The following CPT1A variants were observed in gnomAD, a reference collection of about 807,000 sequenced individuals.
The protein encoded by CPT1A is carnitine O-palmitoyltransferase 1, liver isoform.
In CPT1A, 64 loss-of-function variants were observed where a neutral mutation model predicts 100.8. The observed-to-expected ratio is 0.63, with a 90% CI of 0.52 to 0.78. The LOEUF (loss-of-function observed/expected upper bound fraction) is 0.78. Ranked by LOEUF, CPT1A falls within the 30% of genes least tolerant of loss-of-function variation. CPT1A has a pLI of 0.00. For synonymous variants in CPT1A, 363 were observed against 396.0 expected (o/e 0.92, Z 0.99); for missense variants, 802 against 1,034.1 (o/e 0.78, Z 3.08).
chr11:68,782,201 G>C lies in CPT1A; in HGVS notation c.1164-242C>G, dbSNP rs1384235852. On this transcript the variant is annotated intron_variant, in intron 10 of 18. Transcript: ENST00000265641. ...TCAATAAATGCTGACTAAATGAACG[G>C]CCAGATTGCAGGCTGGCCCCGTGGG... Among the ~76,000 whole-genome samples, 4 of 152,154 alleles carry C rather than the reference G, an allele frequency of 2.6e-5. No individual in the cohort carries two copies. The East Asian group carries it at 7.7e-4, about 29-fold the overall frequency.
At chr11:68,826,091 C>T (rs566351467) in intron 1 of CPT1A, among the ~76,000 whole-genome samples, 2 of 152,290 alleles carry the variant, frequency 1.3e-5, no homozygotes, top group East Asian at 3.9e-4. Context: ...GAGTAGAGGG[C>T]CCCAGACCAG....
chr11:68,777,564 C>T (rs1855173438), intron 12 of CPT1A, among the ~76,000 whole-genome samples: 1 of 152,224 alleles, frequency 6.6e-6, no homozygotes, highest in Non-Finnish European at 1.5e-5. Flanking sequence ...ATCACATAAG[C>T]CCCCAGCCAG....
chr11:68,806,930 CA>C lies in CPT1A; in HGVS notation c.453+536del, dbSNP rs376809841. On this transcript the variant is annotated intron_variant, in intron 4 of 18. Coordinates refer to ENST00000265641, the MANE Select transcript of CPT1A (RefSeq NM_001876.4). Reference sequence around the variant, plus strand: ...GGGCAACAAGAGTGAAACTCCATCTCAAAAAAAACTAAAATGAAAAAATATA... The same window carrying C: ...GGGCAACAAGAGTGAAACTCCATCTCAAAAAAACTAAAATGAAAAAATATA... Among the ~76,000 whole-genome samples the C allele has an allele frequency of 4.3e-3, 642 of 150,876 alleles. 4 individuals are homozygous for C. The Middle Eastern group carries it at 0.071, about 17-fold the overall frequency.
chr11:68,834,931 G>A (rs993822960), intron 1 of CPT1A, among the ~76,000 whole-genome samples: 4 of 151,104 alleles, frequency 2.6e-5, no homozygotes, highest in Non-Finnish European at 5.9e-5. Context: ...CTGGGGAGGC[G>A]GAGGTTGCAG....
intron 5 of CPT1A, among the ~76,000 whole-genome samples, chr11:68,803,365 G>A (rs532674091): frequency 3.3e-5 from 5 of 152,266 alleles, no homozygotes; most frequent in African/African-American, 1.2e-4. Flanking sequence ...AGGGAAGAAT[G>A]GGGAATGACT....
Position 68,793,349 on chromosome 11 carries a change from C to T in CPT1A, c.933G>A (p.Met311Ile), listed in dbSNP as rs774039312. 2 of 1,612,178 alleles carry T rather than the reference C, an allele frequency of 1.2e-6. No homozygotes were observed. The highest frequency in any genetic ancestry group is 1.7e-6 in the Non-Finnish European group (2 of 1,179,310). The change falls in exon 9 of 19, where the codon ATG (methionine) becomes ATA (isoleucine). Residue 311 changes from methionine to isoleucine, a missense_variant. Coordinates refer to ENST00000265641, the MANE Select transcript of CPT1A (RefSeq NM_001876.4). ...IPLCSAQWER[M>I]FNTSRIPGEE... Reference sequence around the variant, plus strand: ...CTCCTGGGATCCGGGAAGTATTAAACATCCGCTCCCACTGAGCGGAGCAGA... The same window carrying T: ...CTCCTGGGATCCGGGAAGTATTAAATATCCGCTCCCACTGAGCGGAGCAGA...
At chr11:68,814,393 G>C (rs946366243) in intron 2 of CPT1A, among the ~76,000 whole-genome samples, 1 of 151,982 alleles carries the variant, frequency 6.6e-6, no homozygotes, top group South Asian at 2.1e-4. Flanking sequence ...TGCAAGCTCC[G>C]CCTCCCGGGT....
intron 12 of CPT1A, among the ~76,000 whole-genome samples, chr11:68,779,053 G>A (rs1312394117): frequency 6.6e-6 from 1 of 152,070 alleles, no homozygotes; most frequent in Non-Finnish European, 1.5e-5. Flanking sequence ...CAAAGGGCTG[G>A]GATTACAGGC....
At chr11:68,842,936 C>A (rs1477230654), upstream of CPT1A, among the ~76,000 whole-genome samples, 1 of 152,198 alleles carries the variant, frequency 6.6e-6, no homozygotes, top group Non-Finnish European at 1.5e-5. Flanking sequence ...AGCAGGTGCT[C>A]CATAAATGCA....
chr11:68,772,521 C>A (rs1335039449), intron 14 of CPT1A, among the ~76,000 whole-genome samples: 1 of 151,792 alleles, frequency 6.6e-6, no homozygotes, highest in Non-Finnish European at 1.5e-5. Context: ...TTGCCAGGTG[C>A]AAGCCAAAAT....
chr11:68,830,089 C>T (rs1039329468), intron 1 of CPT1A, among the ~76,000 whole-genome samples: 3 of 152,066 alleles, frequency 2.0e-5, no homozygotes, highest in Non-Finnish European at 4.4e-5. Context: ...CCAGCCTGGC[C>T]AACGTGGCAA....
At chr11:68,844,042 T>C (rs913000574), upstream of CPT1A, 1 of 152,328 alleles carries the variant, frequency 6.6e-6, no homozygotes, top group Admixed American at 6.5e-5. Flanking sequence ...TCTTCGGCCT[T>C]GACCGTGCGC....
intron 1 of CPT1A, among the ~76,000 whole-genome samples, chr11:68,817,817 G>A (rs1856474710): frequency 2.7e-5 from 4 of 150,534 alleles, no homozygotes; most frequent in Admixed American, 6.6e-5. Flanking sequence ...GCAGGGTGTC[G>A]GGTCAAAAGC....
At chr11:68,761,799 C>T (rs540614359) in intron 15 of CPT1A, 112 bp from the exon 16 acceptor site, 36 of 1,313,830 alleles carry the variant, frequency 2.7e-5, no homozygotes, top group Admixed American at 1.0e-4. Context: ...TTAGTAGAGA[C>T]GGGGTTTCAA....
chr11:68,801,271 C>T (rs1452661487), intron 5 of CPT1A, among the ~76,000 whole-genome samples: 1 of 152,100 alleles, frequency 6.6e-6, no homozygotes, highest in Non-Finnish European at 1.5e-5. Context: ...TCTTGCTCAC[C>T]CCATCCTGCC....
intron 13 of CPT1A, among the ~76,000 whole-genome samples, chr11:68,774,664 CCTAGCTA>C (rs1171889630): frequency 6.6e-6 from 1 of 151,070 alleles, no homozygotes. Context: ...CACCTGTAAT[CCTAGCTA>C]CTTGGGAGGC....
chr11:68,811,431 AG>A (rs1246205504), intron 3 of CPT1A, among the ~76,000 whole-genome samples: 4 of 152,274 alleles, frequency 2.6e-5, no homozygotes, highest in African/African-American at 7.2e-5. Flanking sequence ...TCCAAGCCCA[AG>A]GGTCACGGCT....
At chr11:68,773,116 C>T (rs1855037347) in intron 14 of CPT1A, 149 bp downstream of exon 14, 10 of 1,464,212 alleles carry the variant, frequency 6.8e-6, no homozygotes, top group African/African-American at 1.4e-5. Context: ...CACCCAACGC[C>T]ACCCGGCCCC....
chr11:68,794,920 C>T lies in CPT1A; in HGVS notation c.772-9G>A, dbSNP rs936271013. 9 of 1,610,446 alleles carry T rather than the reference C, an allele frequency of 5.6e-6. No homozygotes were observed. The highest frequency in any genetic ancestry group is 3.3e-5 in the Admixed American group (2 of 59,980). ...AGGATATACAGCAGATCCTGAAAAG[C>T]GACAAAGGTGGAGAGAATTTGCATA... On this transcript the variant is annotated splice_polypyrimidine_tract_variant and intron_variant, in intron 7 of 18. Transcript: ENST00000265641.
Sources: allele counts gnomAD v4.1 joint callset (sites outside exome capture counted in the v4.1 genomes callset), GRCh38; gene constraint gnomAD v4.1.1; transcripts MANE v1.5; gene names NCBI Gene and HGNC (gene_info 2026-07-23, HGNC 2026-07-21).